The following EPHA10 variants were observed in gnomAD, a reference collection of about 807,000 sequenced individuals.
EPHA10 encodes the protein EPH receptor A10, also known as ephrin type-A receptor 10.
A neutral mutation model predicts 109.7 loss-of-function variants in EPHA10; 120 were observed. That is an observed-to-expected ratio of 1.09 (90% CI 0.94 to 1.27). The LOEUF (loss-of-function observed/expected upper bound fraction) is 1.27. EPHA10 is among the 50% of genes most tolerant of loss of function. EPHA10 has a pLI of 0.00. For missense variants in EPHA10, 1,396 were observed against 1,411.1 expected (o/e 0.99, Z 0.17); for synonymous variants, 640 against 618.9 (o/e 1.03, Z -0.51).
chr1:37,737,275 T>G lies in EPHA10; in HGVS notation c.1358-1885A>C, dbSNP rs151153564. 4.1e-3 allele frequency among the ~76,000 whole-genome samples: 621 copies of G among 152,092 alleles called. 7 individuals carry two copies. Among genetic ancestry groups the G allele is most frequent in the East Asian group, 0.026 (137 of 5,176 alleles). The stretch of plus-strand genomic sequence containing the variant: ...ACCAGCCTGGGCAACACAGTGAGAC[T>G]CCATCATTTACAAAAACCAACCAAC... On this transcript the variant is annotated intron_variant, in intron 5 of 16. Transcript: ENST00000373048.
At chr1:37,715,049 AT>A (rs1645672692), downstream of EPHA10, 1 of 152,002 alleles carries the variant, frequency 6.6e-6, no homozygotes, top group Admixed American at 6.6e-5. Context: ...TGTTGTTGTT[AT>A]TTGTTTTTCT....
In EPHA10 at chr1:37,721,747, G is replaced by T. The variant is rs575869458; in HGVS notation, c.2059C>A (p.Gln687Lys). Residue 687 changes from glutamine (Q) to lysine (K), a missense_variant, in exon 11 of 17, where the codon CAG becomes AAG. Gln to Lys is a moderately conservative substitution (Grantham distance 53). Coordinates refer to ENST00000373048, the MANE Select transcript of EPHA10 (RefSeq NM_001099439.2). ...GCCTCGGCCAGGAAGCCGAGCCTCT[G>T]TGAGTCGGAGGCGCTGTCCCTCAGC... ...HMLRDSASDS[Q>K]RLGFLAEALT... 1 of 1,612,740 alleles carries T rather than the reference G, an allele frequency of 6.2e-7. No individual in the cohort carries two copies. The highest frequency in any genetic ancestry group is 8.5e-7 in the Non-Finnish European group (1 of 1,179,878).
At position 37,722,397 on chromosome 1, in the gene EPHA10, T is replaced by A. The variant is rs200275482; in HGVS notation, c.1961-552A>T. On this transcript the variant is annotated intron_variant, in intron 10 of 16. Coordinates refer to ENST00000373048, the MANE Select transcript of EPHA10 (RefSeq NM_001099439.2). The stretch of plus-strand genomic sequence containing the variant: ...GACATCTATTCTTCCACCCTGCCCC[T>A]TTCCGGCTTCTGTCCAGCGGGTCTG... 14 of 226,906 alleles carry A rather than the reference T, an allele frequency of 6.2e-5. No homozygotes were observed. In the East Asian group the frequency reaches 1.7e-3, roughly 28 times the overall value. 14.1% of individuals were successfully genotyped at this position (226,906 alleles called of 1,614,324 possible).
chr1:37,745,387 A>G (rs528944069), intron 5 of EPHA10, among the ~76,000 whole-genome samples: 32 of 152,370 alleles, frequency 2.1e-4, no homozygotes, highest in Admixed American at 9.8e-4. Flanking sequence ...AATAACAAGT[A>G]TTGGTGAGGA....
chr1:37,747,466 G>A (rs529789311), intron 5 of EPHA10, among the ~76,000 whole-genome samples: 41 of 148,570 alleles, frequency 2.8e-4, no homozygotes, highest in East Asian at 1.0e-3. Context: ...CAGGAGAATC[G>A]CTTGAACTCA....
intron 8 of EPHA10, among the ~76,000 whole-genome samples, chr1:37,726,491 T>A (rs533678154): frequency 6.6e-6 from 1 of 152,148 alleles, no homozygotes; most frequent in Non-Finnish European, 1.5e-5. Flanking sequence ...TGCAGCAGAG[T>A]GTGGCCCTGG....
In EPHA10 at chr1:37,723,169, G is replaced by A. The variant is rs12121777; in HGVS notation, c.1835-3C>T. The A allele has an allele frequency of 0.2, 323,841 of 1,612,078 alleles. 34,271 individuals are homozygous for A. The highest frequency in any genetic ancestry group is 0.24 in the Middle Eastern group (1,444 of 6,054). Reference sequence around the variant, plus strand: ...TGTGCGACGTGTTGGGACTTTGACTGGGAGAGAAAGAGATGAGCCTGAGGA... The same window carrying A: ...TGTGCGACGTGTTGGGACTTTGACTAGGAGAGAAAGAGATGAGCCTGAGGA... On this transcript the variant is annotated splice_polypyrimidine_tract_variant and splice_region_variant and intron_variant, in intron 9 of 16. Coordinates refer to ENST00000373048, the MANE Select transcript of EPHA10 (RefSeq NM_001099439.2).
At chr1:37,714,199 C>T (rs1487863040), downstream of EPHA10, 1 of 152,296 alleles carries the variant, frequency 6.6e-6, no homozygotes, top group African/African-American at 2.4e-5. Flanking sequence ...GCCCTAAGCA[C>T]TTTGCATGTC....
chr1:37,743,176 T>C (rs1646181220), intron 5 of EPHA10, among the ~76,000 whole-genome samples: 1 of 151,888 alleles, frequency 6.6e-6, no homozygotes, highest in African/African-American at 2.4e-5. Flanking sequence ...TACCAGAAAT[T>C]GGGTATATGA....
At chr1:37,742,080 C>G (rs1453544805) in intron 5 of EPHA10, among the ~76,000 whole-genome samples, 1 of 152,208 alleles carries the variant, frequency 6.6e-6, no homozygotes, top group African/African-American at 2.4e-5. Context: ...GGTTCCATCT[C>G]AGCTCCGAAG....
At position 37,764,871 on chromosome 1, in the gene EPHA10, C is replaced by T; in HGVS notation, c.106+90G>A. 1 of 1,184,498 alleles carries T rather than the reference C, an allele frequency of 8.4e-7. No homozygotes were observed. Among genetic ancestry groups the T allele is most frequent in the Non-Finnish European group, 1.2e-6 (1 of 835,680 alleles). 73.4% of individuals were successfully genotyped at this position (1,184,498 alleles called of 1,614,324 possible). On this transcript the variant is annotated intron_variant, in intron 1 of 16. Transcript: ENST00000373048. This position sits in a 1 kb window ranked among gnomAD's most constrained non-coding sequence, Gnocchi z 5.8. The stretch of plus-strand genomic sequence containing the variant: ...CAAGCCCCAATACAGACTCTAGTCT[C>T]TCCAATGACTCCTTCCCCCAGAACC...
At chr1:37,762,655 A>T in intron 2 of EPHA10, 130 bp downstream of exon 2, 1 of 679,922 alleles carries the variant, frequency 1.5e-6, no homozygotes, top group Non-Finnish European at 2.2e-6. Flanking sequence ...CTCTGGCTTG[A>T]AGCCAGGGCT....
chr1:37,759,654 G>A (rs1003214496), intron 3 of EPHA10, among the ~76,000 whole-genome samples: 1 of 152,100 alleles, frequency 6.6e-6, no homozygotes, highest in African/African-American at 2.4e-5. Context: ...CTAGGGTGTG[G>A]TCCCTATAGT....
rs1646455968 is a variant in EPHA10 at position 37,764,127 on chromosome 1, A to G, written c.106+834T>C. 6.6e-6 allele frequency among the ~76,000 whole-genome samples: 1 copy of G among 152,106 alleles called. No individual in the cohort carries two copies. The highest frequency in any genetic ancestry group is 1.5e-5 in the Non-Finnish European group (1 of 68,010). On this transcript the variant is annotated intron_variant, in intron 1 of 16. Transcript: ENST00000373048. This position sits in a 1 kb window ranked among gnomAD's most constrained non-coding sequence, Gnocchi z 5.8. Reference sequence around the variant, plus strand: ...TGGGAGATTACCCTCTGGAGCTTAAACCAGGGGGTGGGCCACCAAGGTGAG... The same window carrying G: ...TGGGAGATTACCCTCTGGAGCTTAAGCCAGGGGGTGGGCCACCAAGGTGAG...
intron 14 of EPHA10, 90 bp from the exon 15 acceptor site, chr1:37,719,697 GACACAC>G (rs149811548): frequency 2.8e-6 from 4 of 1,414,814 alleles, no homozygotes; most frequent in Non-Finnish European, 2.9e-6. Context: ...CACAGACACA[GACACAC>G]ACACACACAT....
At chr1:37,740,916 G>A (rs758507481) in intron 5 of EPHA10, among the ~76,000 whole-genome samples, 39 of 152,122 alleles carry the variant, frequency 2.6e-4, no homozygotes, top group Non-Finnish European at 4.6e-4. Context: ...AAGCTTTTAG[G>A]GAATAAGCCT....
chr1:37,751,342 G>A (rs1407325908), intron 5 of EPHA10, among the ~76,000 whole-genome samples: 1 of 152,070 alleles, frequency 6.6e-6, no homozygotes. Context: ...GCCAAGGCGG[G>A]TAGATGACTT....
Position 37,731,445 on chromosome 1 carries a change from A to C in EPHA10, c.1629T>G (p.Phe543Leu), listed in dbSNP as rs1433509249. The C allele has an allele frequency of 7.4e-6, 12 of 1,613,202 alleles. No individual in the cohort carries two copies. Among genetic ancestry groups the C allele is most frequent in the Admixed American group, 1.7e-5 (1 of 59,892 alleles). Reference sequence around the variant, plus strand: ...GGGTCTGTACTTCAATGCTGGGGTTAAAACTCTGGGCCTCCCAGGATGGCC... The same window carrying C: ...GGGTCTGTACTTCAATGCTGGGGTTCAAACTCTGGGCCTCCCAGGATGGCC... ...SPGPSWEAQS[F>L]NPSIEVQTLG... The change falls in exon 7 of 17, where the codon TTT becomes TTG. Residue 543 changes from phenylalanine to leucine, a missense_variant. Transcript: ENST00000373048.
chr1:37,749,534 G>A (rs780368729), intron 5 of EPHA10, among the ~76,000 whole-genome samples: 14 of 151,920 alleles, frequency 9.2e-5, no homozygotes, highest in Non-Finnish European at 1.6e-4. Context: ...TTAGCCGGTT[G>A]TGGTGGTGTG....
Sources: allele counts gnomAD v4.1 joint callset (sites outside exome capture counted in the v4.1 genomes callset), GRCh38; gene constraint gnomAD v4.1.1; non-coding constraint Gnocchi (gnomAD v3.1); transcripts MANE v1.5; gene names NCBI Gene and HGNC (gene_info 2026-07-23, HGNC 2026-07-21).